Variants in TXNL4A observed in about 807,000 individuals in gnomAD.
TXNL4A encodes thioredoxin like 4A.
In TXNL4A, 17 loss-of-function variants were observed where a neutral mutation model predicts 14.6. The observed-to-expected ratio is 1.16, with a 90% confidence interval of 0.80 to 1.74. The LOEUF is 1.74. Among genes scored for constraint, TXNL4A ranks in the 40% most tolerant of loss-of-function variants. The probability of loss-of-function intolerance (pLI) is 0.00; values close to 1 mark genes in which losing one functional copy is unlikely to be tolerated. For missense variants in TXNL4A, 74 were observed against 195.2 expected, an observed-to-expected ratio of 0.38 and a Z score of 3.70; for synonymous variants, 83 against 70.6, an observed-to-expected ratio of 1.18 and a Z score of -0.88.
rs184112400 is a variant in TXNL4A, at chr18:80,021,229, T to C, written c.-61+12622A>G. 1.9e-3 allele frequency among the ~76,000 whole-genome samples: 283 copies of C among 151,964 alleles called. 1 individual carries two copies. The highest frequency in any genetic ancestry group is 4.0e-3 in the African/African-American group (166 of 41,450). ...TCTTGCTCTGTTGCCCAGGCTGGAC[T>C]ACAGTGCCATGATCTCAGCTCACTG... On this transcript the variant is annotated intron_variant, in intron 1 of 2. Coordinates refer to the TXNL4A transcript ENST00000585474.
At chr18:80,000,987 G>A (rs541271665) in intron 1 of TXNL4A, among the ~76,000 whole-genome samples, 3 of 152,220 alleles carry the variant, frequency 2.0e-5, no homozygotes, top group South Asian at 4.1e-4. Context: ...TGTCTCCAGG[G>A]CATGTCAGAG....
At chr18:79,991,905 A>C (rs981565128), upstream of TXNL4A, among the ~76,000 whole-genome samples, 2 of 152,218 alleles carry the variant, frequency 1.3e-5, no homozygotes, top group Non-Finnish European at 2.9e-5. Context: ...GTCGGGGCAC[A>C]GCTTAGTTTT....
chr18:79,988,288 A>G lies in TXNL4A; in HGVS notation c.105T>C (p.Asp35=), dbSNP rs2145089632. The part of the protein sequence containing the change: ...VVVIRFGHDW[D]PTCMKMDEVL... ...CCTCGTCCATCTTCATGCACGTAGG[A>G]TCCCAGTCGTGGCCGAAGCGGATGA... Residue 35 remains aspartate, a synonymous_variant, in exon 1 of 3, where the codon GAT becomes GAC. Coordinates refer to ENST00000269601, the MANE Select transcript of TXNL4A (RefSeq NM_006701.5). 2 of 1,604,290 alleles carry G rather than the reference A, an allele frequency of 1.2e-6. No homozygotes were observed.
intron 1 of TXNL4A, among the ~76,000 whole-genome samples, chr18:80,002,488 T>G (rs886426142): frequency 3.9e-5 from 6 of 152,180 alleles, no homozygotes; most frequent in Non-Finnish European, 7.3e-5. Flanking sequence ...TCCAAACTCA[T>G]GTAGAAAAGG....
At chr18:79,976,898 G>A (rs542298804) in intron 2 of TXNL4A, 3 of 400,432 alleles carry the variant, frequency 7.5e-6, no homozygotes, top group South Asian at 3.6e-5. Context: ...AGTAGTTCAG[G>A]TGTTCCTCTT....
chr18:79,992,985 C>T (rs1285714555), upstream of TXNL4A, among the ~76,000 whole-genome samples: 1 of 151,606 alleles, frequency 6.6e-6, no homozygotes, highest in African/African-American at 2.4e-5. Context: ...CTCAATATCC[C>T]ACCCTTTCCC....
At chr18:80,013,770 T>C (rs753116642) in intron 1 of TXNL4A, among the ~76,000 whole-genome samples, 1 of 152,138 alleles carries the variant, frequency 6.6e-6, no homozygotes, top group South Asian at 2.1e-4. Flanking sequence ...TACACAAGGG[T>C]CCGAGATTTC....
At chr18:80,016,917 G>T (rs2051815033) in intron 1 of TXNL4A, among the ~76,000 whole-genome samples, 1 of 152,106 alleles carries the variant, frequency 6.6e-6, no homozygotes, top group South Asian at 2.1e-4. Context: ...TTGGTAGCTT[G>T]ATGGGGATGG....
chr18:79,975,124 C>T (rs1242467962), intron 2 of TXNL4A, among the ~76,000 whole-genome samples: 1 of 152,134 alleles, frequency 6.6e-6, no homozygotes, highest in African/African-American at 2.4e-5. Flanking sequence ...TCCCTGCAGC[C>T]CTATCTGACC....
upstream of TXNL4A, chr18:79,988,631 G>C (rs1166043450): frequency 1.7e-5 from 6 of 355,454 alleles, no homozygotes; most frequent in Admixed American, 2.4e-4. Flanking sequence ...GCGTGCTGAC[G>C]GCATGTGCGT....
intron 1 of TXNL4A, among the ~76,000 whole-genome samples, chr18:80,001,979 T>C (rs2051701205): frequency 6.6e-6 from 1 of 152,192 alleles, no homozygotes; most frequent in Non-Finnish European, 1.5e-5. Context: ...TGGTATTGTT[T>C]GGCTGTGTCC....
Position 80,011,595 on chromosome 18 carries a change from T to A in TXNL4A, c.-61+22256A>T, listed in dbSNP as rs552666304. ...CCCATGGGGAGCCATGAGCAGCCTC[T>A]GAGGAGAAAAGTCTCCTTATTGCCT... On this transcript the variant is annotated intron_variant, in intron 1 of 2. Transcript: ENST00000585474. The surrounding 1 kb of genome is among the most constrained non-coding windows in gnomAD (Gnocchi z 4.1). Among the ~76,000 whole-genome samples, 2 of 152,180 alleles carry A rather than the reference T, an allele frequency of 1.3e-5. No individual in the cohort carries two copies. The highest frequency in any genetic ancestry group is 2.9e-5 in the Non-Finnish European group (2 of 68,026).
intron 1 of TXNL4A, among the ~76,000 whole-genome samples, chr18:80,026,580 T>G (rs2051886056): frequency 6.6e-6 from 1 of 152,192 alleles, no homozygotes. Context: ...AATCCCAGCT[T>G]ATTTAGAAAC....
intron 1 of TXNL4A, among the ~76,000 whole-genome samples, chr18:80,028,485 C>G (rs528911400): frequency 8.5e-4 from 129 of 152,270 alleles, no homozygotes; most frequent in African/African-American, 3.0e-3. Context: ...CCCCTCATGA[C>G]TGTGTTCTGA....
chr18:80,015,856 T>C lies in TXNL4A; in HGVS notation c.-61+17995A>G, dbSNP rs374564339. ...TGTGTCTTTATAGCAGCATGATTTA[T>C]AGTCCTTTGGGTATATACCCAGTAA... On this transcript the variant is annotated intron_variant, in intron 1 of 2. Transcript: ENST00000585474. Among the ~76,000 whole-genome samples the C allele has an allele frequency of 2.4e-3, 344 of 144,688 alleles. 1 individual carries two copies. The highest frequency in any genetic ancestry group is 0.014 in the East Asian group (70 of 4,992). 94.9% of individuals were successfully genotyped at this position (144,688 alleles called of 152,430 possible). A position where few individuals can be genotyped will look rare whatever the true frequency, so the allele number is the denominator to read the frequency against.
At chr18:79,997,169 T>C (rs922165792) in intron 1 of TXNL4A, among the ~76,000 whole-genome samples, 5 of 152,086 alleles carry the variant, frequency 3.3e-5, no homozygotes, top group East Asian at 1.9e-4. Context: ...TTCCCACTTA[T>C]ACTCTCAGTC....
intron 1 of TXNL4A, among the ~76,000 whole-genome samples, chr18:80,010,016 G>C (rs903407193): frequency 6.6e-6 from 1 of 152,162 alleles, no homozygotes; most frequent in African/African-American, 2.4e-5. Flanking sequence ...ACCAGCTTCA[G>C]GTATTTTCTG....
intron 1 of TXNL4A, among the ~76,000 whole-genome samples, chr18:80,003,991 C>T (rs559520229): frequency 6.6e-6 from 1 of 152,138 alleles, no homozygotes; most frequent in South Asian, 2.1e-4. Context: ...GATTACAATT[C>T]AAGATGAGAT....
chr18:80,009,434 G>A (rs1018875627), intron 1 of TXNL4A, among the ~76,000 whole-genome samples: 1 of 152,148 alleles, frequency 6.6e-6, no homozygotes, highest in African/African-American at 2.4e-5. Context: ...CACTCCTGTT[G>A]TTGGGAGGCC....
Sources: gnomAD v4.1 joint callset for allele counts (sites outside exome capture counted in the v4.1 genomes callset) on GRCh38, gnomAD v4.1.1 for gene constraint, Gnocchi (gnomAD v3.1) non-coding constraint, MANE v1.5 for transcripts, NCBI Gene and HGNC (gene_info 2026-07-23, HGNC 2026-07-21) for gene names.